The following H2BC4 variants were observed in gnomAD, a reference collection of about 807,000 sequenced individuals.
H2BC4 encodes histone H2B type 1-C/E/F/G/I.
H2BC4 carries 10 observed loss-of-function variants against 6.2 expected under a neutral mutation model. That is an observed-to-expected ratio of 1.61 (90% CI 0.99 to 2.73). The LOEUF (loss-of-function observed/expected upper bound fraction) is 2.73, where lower values mean the gene tolerates loss of function less well. Among genes scored for constraint, H2BC4 ranks in the 30% most tolerant of loss-of-function variants. H2BC4 has a pLI of 0.00. For synonymous variants in H2BC4, 146 were observed against 70.7 expected, an observed-to-expected ratio of 2.07 and a Z score of -5.35; for missense variants, 176 against 168.7, an observed-to-expected ratio of 1.04 and a Z score of -0.24.
rs957062398 is a variant in H2BC4 at position 26,123,610 on chromosome 6, C to T, written c.295G>A (p.Val99Met). ...TITSREIQTA[V>M]RLLLPGELAK... ...AGCTCTCCGGGAAGCAGCAGGCGCA[C>T]GGCCGTCTGGATCTCCCTGGAGGTG... Residue 99 changes from valine to methionine, a missense_variant, in exon 1 of 1, where the codon GTG (valine) becomes ATG (methionine). Coordinates refer to ENST00000396984, the MANE Select transcript of H2BC4 (RefSeq NM_003526.3). The T allele has an allele frequency of 6.2e-7, 1 of 1,614,158 alleles. No individual in the cohort carries two copies. The highest frequency in any genetic ancestry group is 1.3e-5 in the African/African-American group (1 of 74,952).
At chr6:26,115,378 G>A (rs1763405815) in intron 1 of H2BC4, among the ~76,000 whole-genome samples, 1 of 152,186 alleles carries the variant, frequency 6.6e-6, no homozygotes, top group Non-Finnish European at 1.5e-5. Flanking sequence ...AAGGCACAGA[G>A]AGGTTAAGTT....
rs760964813 is a variant in H2BC4 at position 26,123,551 on chromosome 6, G to A, written c.354C>T (p.Ala118=). 4.6e-5 allele frequency: 74 copies of A among 1,614,146 alleles called. No individual in the cohort carries two copies. Among genetic ancestry groups the A allele is most frequent in the Non-Finnish European group, 8.5e-7 (1 of 1,180,056 alleles). ...AKHAVSEGTK[A]VTKYTSSK ...ACTTGGAGCTGGTGTACTTGGTGAC[G>A]GCCTTGGTGCCCTCCGACACGGCGT... is the stretch of plus-strand genomic sequence containing the variant. The change falls in exon 1 of 1, where the codon GCC becomes GCT. Residue 118 remains alanine, a synonymous_variant. Transcript: ENST00000396984.
chr6:26,121,394 G>A (rs953491865), downstream of H2BC4, among the ~76,000 whole-genome samples: 2 of 152,030 alleles, frequency 1.3e-5, no homozygotes, highest in African/African-American at 4.8e-5. Context: ...AAAAGCCAAA[G>A]GAAAGTGAAC....
Position 26,123,827 on chromosome 6 carries a change from A to G in H2BC4, c.78T>C (p.Asp26=), listed in dbSNP as rs535282638. 4 of 1,614,242 alleles carry G rather than the reference A, an allele frequency of 2.5e-6. No individual in the cohort carries two copies. The highest frequency in any genetic ancestry group is 1.1e-5 in the South Asian group (1 of 91,090). Residue 26 remains aspartate, a synonymous_variant, in exon 1 of 1, where the codon GAT becomes GAC. Transcript: ENST00000396984. The part of the protein sequence containing the change: ...KKAVTKAQKK[D]GKKRKRSRKE... ...TGCGGCTGCGCTTGCGCTTCTTGCCATCTTTCTTCTGCGCTTTGGTCACTG... is the reference window on the plus strand; with the variant it reads ...TGCGGCTGCGCTTGCGCTTCTTGCCGTCTTTCTTCTGCGCTTTGGTCACTG...
chr6:26,123,335 T>C (rs933782821), downstream of H2BC4: 23 of 1,020,688 alleles, frequency 2.3e-5, no homozygotes, highest in African/African-American at 8.2e-5. Context: ...CTGGCTTCTT[T>C]CGGGTTCAGG....
downstream of H2BC4, among the ~76,000 whole-genome samples, chr6:26,123,189 G>C (rs1763530546): frequency 6.6e-6 from 1 of 152,220 alleles, no homozygotes; most frequent in Non-Finnish European, 1.5e-5. Flanking sequence ...TGGCGACGTA[G>C]ACAGGGACAG....
At chr6:26,123,463 T>C (rs557027706), downstream of H2BC4, 35 of 1,605,230 alleles carry the variant, frequency 2.2e-5, no homozygotes, top group South Asian at 3.8e-4. Context: ...TTTTAGTGGG[T>C]ATCTGGGTGG....
chr6:26,120,276 C>T (rs1423350792), downstream of H2BC4, among the ~76,000 whole-genome samples: 3 of 151,990 alleles, frequency 2.0e-5, no homozygotes, highest in African/African-American at 7.3e-5. Context: ...CATGGCGAAA[C>T]CCCATCTCTA....
chr6:26,122,053 CAAAA>C (rs67046086), downstream of H2BC4, among the ~76,000 whole-genome samples: 58 of 124,206 alleles, frequency 4.7e-4, no homozygotes, highest in Admixed American at 5.0e-4. Context: ...AACTTCGTCT[CAAAA>C]AAAAAAAAAA....
At chr6:26,114,425 G>C (rs1056314), downstream of H2BC4, among the ~76,000 whole-genome samples, 1 of 151,868 alleles carries the variant, frequency 6.6e-6, no homozygotes, top group African/African-American at 2.4e-5. Context: ...TAGGTTAACA[G>C]TGATTTTTAA....
chr6:26,118,589 A>G (rs1009774780), downstream of H2BC4, among the ~76,000 whole-genome samples: 1 of 152,214 alleles, frequency 6.6e-6, no homozygotes, highest in East Asian at 1.9e-4. Context: ...CACTGGAAAG[A>G]CAGATAATGG....
At chr6:26,113,924 C>T (rs1248547005), downstream of H2BC4, among the ~76,000 whole-genome samples, 7 of 151,040 alleles carry the variant, frequency 4.6e-5, no homozygotes, top group East Asian at 3.9e-4. Context: ...GAATCTTCCT[C>T]TTCTTATAAG....
At chr6:26,117,576 T>C (rs1763440029) in intron 1 of H2BC4, among the ~76,000 whole-genome samples, 1 of 152,194 alleles carries the variant, frequency 6.6e-6, no homozygotes, top group Non-Finnish European at 1.5e-5. Flanking sequence ...TAGTGTTCTA[T>C]AGGTGCTATT....
chr6:26,119,829 GTATTA>G (rs1298159629), downstream of H2BC4, among the ~76,000 whole-genome samples: 5 of 151,574 alleles, frequency 3.3e-5, no homozygotes, highest in Non-Finnish European at 5.9e-5. Context: ...TTGATTAGAT[GTATTA>G]TATATTTTCC....
Position 26,123,779 on chromosome 6 carries a change from C to A in H2BC4, c.126G>T (p.Val42=). The part of the protein sequence containing the change: ...RSRKESYSVY[V]YKVLKQVHPD... ...GATGGACCTGTTTCAGCACCTTGTACACGTACACAGAGTAACTCTCCTTGC... is the reference window on the plus strand; with the variant it reads ...GATGGACCTGTTTCAGCACCTTGTAAACGTACACAGAGTAACTCTCCTTGC... The change falls in exon 1 of 1, where the codon GTG becomes GTT. Residue 42 remains valine, a synonymous_variant. Transcript: ENST00000396984. The A allele has an allele frequency of 1.9e-6, 3 of 1,614,280 alleles. No individual in the cohort carries two copies. Among genetic ancestry groups the A allele is most frequent in the Non-Finnish European group, 2.5e-6 (3 of 1,180,054 alleles).
chr6:26,123,665 G>C lies in H2BC4; in HGVS notation c.240C>G (p.Arg80=). 1.2e-6 allele frequency: 2 copies of C among 1,614,268 alleles called. No homozygotes were observed. The highest frequency in any genetic ancestry group is 1.7e-6 in the Non-Finnish European group (2 of 1,180,052). The change falls in exon 1 of 1, where the codon CGC becomes CGG. Residue 80 remains arginine, a synonymous_variant. Transcript: ENST00000396984. Reference sequence around the variant, plus strand: ...TCGAGCGCTTGTTGTAATGCGCCAGGCGGGAAGCCTCGCCCGCGATGCGCT... The same window carrying C: ...TCGAGCGCTTGTTGTAATGCGCCAGCCGGGAAGCCTCGCCCGCGATGCGCT... ...IFERIAGEAS[R]LAHYNKRSTI...
At position 26,123,861 on chromosome 6, in the gene H2BC4, G is replaced by C. The variant is rs1763561583; in HGVS notation, c.44C>G (p.Ser15Cys). The C allele has an allele frequency of 1.2e-6, 2 of 1,614,164 alleles. No individual in the cohort carries two copies. The highest frequency in any genetic ancestry group is 1.7e-5 in the Admixed American group (1 of 60,020). The change falls in exon 1 of 1, where the codon TCC becomes TGC. Residue 15 changes from serine (S) to cysteine (C), a missense_variant. Ser to Cys is a moderately radical substitution (Grantham distance 112, BLOSUM62 -1). Transcript: ENST00000396984. ...CTGCGCTTTGGTCACTGCCTTCTTG[G>C]AGCCCTTCTTCGGGGCGGGAGCAGA... ...AKSAPAPKKGSKKAVTKAQKK... is the reference protein window; with the variant it reads ...AKSAPAPKKGCKKAVTKAQKK...
At chr6:26,119,862 TAA>T (rs1763476180), downstream of H2BC4, among the ~76,000 whole-genome samples, 1 of 151,984 alleles carries the variant, frequency 6.6e-6, no homozygotes. Context: ...AAAAACCTAA[TAA>T]AAGAGGTATT....
At chr6:26,115,918 A>AT (rs992831827) in intron 1 of H2BC4, among the ~76,000 whole-genome samples, 5 of 151,528 alleles carry the variant, frequency 3.3e-5, no homozygotes, top group African/African-American at 4.9e-5. Flanking sequence ...TTAATTTTCA[A>AT]TTTTTTTTTG....
Sources: gnomAD v4.1 joint callset for allele counts (sites outside exome capture counted in the v4.1 genomes callset) on GRCh38, gnomAD v4.1.1 for gene constraint, MANE v1.5 for transcripts, NCBI Gene and HGNC (gene_info 2026-07-23, HGNC 2026-07-21) for gene names.